Variants in CSMD1 observed in about 807,000 individuals in gnomAD.
CSMD1 encodes the protein CUB and sushi domain-containing protein 1.
A neutral mutation model predicts 417.5 loss-of-function variants in CSMD1; 213 were observed. The ratio of observed to expected loss-of-function variants is 0.51; its 90% CI spans 0.46 to 0.57. The LOEUF (loss-of-function observed/expected upper bound fraction) is 0.57, where lower values mean the gene tolerates loss of function less well. Among genes scored for constraint, CSMD1 ranks in the 20% least tolerant of loss-of-function variants. The pLI, the probability that CSMD1 is intolerant of heterozygous loss-of-function variation, is 0.00. For synonymous variants in CSMD1, 2,862 were observed against 1,736.8 expected, an observed-to-expected ratio of 1.65 and a Z score of -16.11; for missense variants, 6,923 against 4,529.7, an observed-to-expected ratio of 1.53 and a Z score of -15.17.
intron 5 of CSMD1, among the ~76,000 whole-genome samples, chr8:3,988,501 C>A (rs1814501698): frequency 6.6e-6 from 1 of 152,182 alleles, no homozygotes; most frequent in Non-Finnish European, 1.5e-5. Flanking sequence ...GCAGCACCAA[C>A]CAGAGCTGAA....
intron 2 of CSMD1, among the ~76,000 whole-genome samples, chr8:4,590,373 A>G (rs1799924797): frequency 6.6e-6 from 1 of 152,164 alleles, no homozygotes; most frequent in East Asian, 1.9e-4. Context: ...TACATGCTCA[A>G]TCAACATGCG....
chr8:4,347,528 G>T (rs961369275), intron 3 of CSMD1, among the ~76,000 whole-genome samples: 1 of 152,120 alleles, frequency 6.6e-6, no homozygotes, highest in Non-Finnish European at 1.5e-5. Flanking sequence ...TGACATTACA[G>T]GATAAGGCTG....
At chr8:4,113,249 G>A (rs1237080408) in intron 3 of CSMD1, among the ~76,000 whole-genome samples, 1 of 152,004 alleles carries the variant, frequency 6.6e-6, no homozygotes, top group Non-Finnish European at 1.5e-5. Context: ...TTGAAAGAAA[G>A]GACTGCACAT....
intron 2 of CSMD1, among the ~76,000 whole-genome samples, chr8:4,477,670 C>T (rs927399450): frequency 5.9e-5 from 9 of 152,050 alleles, no homozygotes; most frequent in African/African-American, 1.7e-4. Flanking sequence ...CTGGAAGTGA[C>T]GCAAGGCATG....
chr8:4,081,160 C>T (rs1171795059), intron 3 of CSMD1, among the ~76,000 whole-genome samples: 2 of 152,140 alleles, frequency 1.3e-5, no homozygotes, highest in Non-Finnish European at 2.9e-5. Context: ...CAGCCTCCAG[C>T]ATTGTGATAA....
At chr8:4,329,995 C>A (rs762978762) in intron 3 of CSMD1, among the ~76,000 whole-genome samples, 1 of 152,124 alleles carries the variant, frequency 6.6e-6, no homozygotes. Context: ...CAGATGCCAG[C>A]ACCATGCTTC....
At chr8:4,021,371 G>A (rs1278647772) in intron 4 of CSMD1, among the ~76,000 whole-genome samples, 2 of 152,160 alleles carry the variant, frequency 1.3e-5, no homozygotes, top group Non-Finnish European at 1.5e-5. Context: ...TCGCATCTGG[G>A]GATTTTTAAC....
intron 16 of CSMD1, 108 bp downstream of exon 16, chr8:3,399,283 C>T (rs1002491060): frequency 2.5e-5 from 25 of 1,019,876 alleles, no homozygotes; most frequent in African/African-American, 1.5e-4. Flanking sequence ...TGCTCCTATG[C>T]GGGAACCGAA....
intron 25 of CSMD1, among the ~76,000 whole-genome samples, chr8:3,302,852 G>A (rs1019228100): frequency 6.6e-6 from 1 of 152,120 alleles, no homozygotes; most frequent in Non-Finnish European, 1.5e-5. Flanking sequence ...TAACTAATCT[G>A]TGGCAACTGA....
chr8:3,124,588 G>A (rs976736476), intron 41 of CSMD1, among the ~76,000 whole-genome samples: 1 of 152,164 alleles, frequency 6.6e-6, no homozygotes, highest in African/African-American at 2.4e-5. Context: ...TCAGAAGAGA[G>A]ATGACCTCTG....
intron 1 of CSMD1, among the ~76,000 whole-genome samples, chr8:4,939,405 C>T (rs564503760): frequency 1.3e-5 from 2 of 152,260 alleles, no homozygotes; most frequent in East Asian, 1.9e-4. Context: ...CCTCAGTGAC[C>T]CTCAACAGGT....
chr8:4,244,329 C>T (rs1320922650), intron 3 of CSMD1, among the ~76,000 whole-genome samples: 1 of 152,128 alleles, frequency 6.6e-6, no homozygotes, highest in East Asian at 1.9e-4. Context: ...GAAACTTTGC[C>T]TGGAGCTCCA....
chr8:3,768,305 C>T (rs1798396366), intron 5 of CSMD1, among the ~76,000 whole-genome samples: 1 of 152,136 alleles, frequency 6.6e-6, no homozygotes, highest in African/African-American at 2.4e-5. Flanking sequence ...GTTCACCTTC[C>T]CACTCAGTGA....
intron 5 of CSMD1, among the ~76,000 whole-genome samples, chr8:3,973,893 G>C (rs189530423): frequency 6.6e-6 from 1 of 152,182 alleles, no homozygotes; most frequent in East Asian, 1.9e-4. Context: ...TATATTGATG[G>C]GTTACATGAA....
intron 3 of CSMD1, among the ~76,000 whole-genome samples, chr8:4,239,344 C>G (rs1443363307): frequency 6.6e-6 from 1 of 152,174 alleles, no homozygotes; most frequent in Non-Finnish European, 1.5e-5. Context: ...GCCCTTCAAC[C>G]TTGGTGGAAC....
chr8:4,074,253 A>C (rs891028889), intron 3 of CSMD1, among the ~76,000 whole-genome samples: 1 of 152,218 alleles, frequency 6.6e-6, no homozygotes, highest in Middle Eastern at 3.4e-3. Flanking sequence ...AGCAAAAACA[A>C]ATTGTTTCAT....
chr8:3,516,879 T>C (rs1030543330), intron 10 of CSMD1, among the ~76,000 whole-genome samples: 8 of 152,176 alleles, frequency 5.3e-5, no homozygotes, highest in African/African-American at 1.9e-4. Flanking sequence ...CACACACATG[T>C]TTATAGCAGC....
intron 3 of CSMD1, among the ~76,000 whole-genome samples, chr8:4,413,808 A>T: frequency 6.6e-6 from 1 of 152,152 alleles, no homozygotes; most frequent in East Asian, 1.9e-4. Context: ...AAGCCTAGAG[A>T]TAACTAAGGT....
chr8:3,708,508 C>G lies in CSMD1; in HGVS notation c.932-17G>C, dbSNP rs759545918. ...CCTTTTTCACTGGAAGAAACAAAAC[C>G]AAGCCATTAGCAGGTAAGACTTGGA... On this transcript the variant is annotated splice_polypyrimidine_tract_variant and intron_variant, in intron 6 of 69. Transcript: ENST00000635120. 3.7e-6 allele frequency: 6 copies of G among 1,610,010 alleles called. No individual in the cohort carries two copies. In the East Asian group the frequency reaches 8.9e-5, roughly 24 times the overall value.
Sources: gnomAD v4.1 joint callset for allele counts (sites outside exome capture counted in the v4.1 genomes callset) on GRCh38, gnomAD v4.1.1 for gene constraint, MANE v1.5 for transcripts, NCBI Gene and HGNC (gene_info 2026-07-23, HGNC 2026-07-21) for gene names.